OSBPL2: variants seen among roughly 807,000 people sequenced by gnomAD.
OSBPL2 encodes the protein oxysterol-binding protein-related protein 2.
Under a neutral mutation model 58.4 loss-of-function variants are expected in OSBPL2, and 18 were observed. The ratio of observed to expected loss-of-function variants is 0.31; its 90% CI spans 0.21 to 0.46. OSBPL2 has a LOEUF of 0.46. Ranked by LOEUF, OSBPL2 falls within the 20% of genes least tolerant of loss-of-function variation. OSBPL2 has a pLI of 1.00. For synonymous variants in OSBPL2, 221 were observed against 234.1 expected, an observed-to-expected ratio of 0.94 and a Z score of 0.51; for missense variants, 461 against 616.5, an observed-to-expected ratio of 0.75 and a Z score of 2.67.
At position 62,272,298 on chromosome 20, in the gene OSBPL2, A is replaced by C. The variant is rs763987513; in HGVS notation, c.393+39A>C. 1.9e-5 allele frequency: 30 copies of C among 1,604,084 alleles called. No homozygotes were observed. In the South Asian group the frequency reaches 3.0e-4, roughly 16 times the overall value. ...GTGCCAGGCAGGAGTTTGTCATGAA[A>C]GTGATGCCCCTTGCATGTCTGGCCA... On this transcript the variant is annotated intron_variant, in intron 5 of 13. Transcript: ENST00000313733.
intron 11 of OSBPL2, 85 bp downstream of exon 11, chr20:62,286,796 T>A: frequency 6.8e-7 from 1 of 1,475,524 alleles, no homozygotes; most frequent in Non-Finnish European, 9.1e-7. Context: ...TTCCCTGTCC[T>A]TGGGCCCTTG....
At chr20:62,261,422 C>T (rs1293129119) in intron 3 of OSBPL2, among the ~76,000 whole-genome samples, 2 of 152,098 alleles carry the variant, frequency 1.3e-5, no homozygotes, top group Non-Finnish European at 2.9e-5. Flanking sequence ...GGCACAGCCG[C>T]TAATGTGTGT....
intron 10 of OSBPL2, chr20:62,285,179 T>C (rs1329508015): frequency 6.6e-6 from 1 of 152,244 alleles, no homozygotes; most frequent in Non-Finnish European, 1.5e-5. Context: ...ATTTGTGCTG[T>C]TAGACACCTT....
intron 4 of OSBPL2, 83 bp from the exon 5 acceptor site, chr20:62,272,041 AG>A: frequency 1.3e-6 from 2 of 1,521,868 alleles, no homozygotes; most frequent in Non-Finnish European, 1.8e-6. Flanking sequence ...GGCTCCATGA[AG>A]GGATGCTCAG....
rs1248691754 is a variant in OSBPL2 at position 62,269,055 on chromosome 20, A to G, written c.259-3070A>G. ...GCCTAGGCGACAGTGTGAGACTCCA[A>G]CTCAAAAAAAAAAAAAATGTTTTTT... On this transcript the variant is annotated intron_variant, in intron 4 of 13. Transcript: ENST00000313733. This position sits in a 1 kb window ranked among gnomAD's most constrained non-coding sequence, Gnocchi z 4.2. Among the ~76,000 whole-genome samples, 2 of 150,884 alleles carry G rather than the reference A, an allele frequency of 1.3e-5. No homozygotes were observed. The highest frequency in any genetic ancestry group is 4.9e-5 in the African/African-American group (2 of 41,080).
intron 3 of OSBPL2, 84 bp downstream of exon 3, chr20:62,260,209 G>C (rs914454746): frequency 1.5e-6 from 2 of 1,340,098 alleles, no homozygotes; most frequent in Admixed American, 4.0e-5. Context: ...CAGCCCTCAC[G>C]AGCATTGAGC....
At chr20:62,244,077 GAGA>G (rs1229756534) in intron 1 of OSBPL2, among the ~76,000 whole-genome samples, 3 of 152,150 alleles carry the variant, frequency 2.0e-5, no homozygotes, top group Non-Finnish European at 4.4e-5. Flanking sequence ...TGAGGCCACA[GAGA>G]AGGAGGCGGC....
In OSBPL2 at chr20:62,262,492, G is replaced by A. The variant is rs558212062; in HGVS notation, c.183-1124G>A. ...ACTTTCCCCTCCTGGTAGCACCTCC[G>A]AATCACAAAGTATTCACTGAATGTG... On this transcript the variant is annotated intron_variant, in intron 3 of 13. Coordinates refer to ENST00000313733, the MANE Select transcript of OSBPL2 (RefSeq NM_144498.4). Among the ~76,000 whole-genome samples, 9 of 152,334 alleles carry A rather than the reference G, an allele frequency of 5.9e-5. No homozygotes were observed. In the South Asian group the frequency reaches 1.0e-3, roughly 18 times the overall value.
At chr20:62,261,273 G>A (rs938887437) in intron 3 of OSBPL2, among the ~76,000 whole-genome samples, 24 of 142,470 alleles carry the variant, frequency 1.7e-4, no homozygotes, top group African/African-American at 5.9e-4. Flanking sequence ...CCGAGGTCAC[G>A]CCGCTGCACT....
chr20:62,280,714 A>G (rs1052045264), intron 7 of OSBPL2, among the ~76,000 whole-genome samples: 1 of 152,232 alleles, frequency 6.6e-6, no homozygotes, highest in African/African-American at 2.4e-5. Context: ...CCAGGGCCGC[A>G]TGCCCAGGAC....
chr20:62,277,103 T>A (rs529690095), intron 6 of OSBPL2, among the ~76,000 whole-genome samples: 1 of 150,794 alleles, frequency 6.6e-6, no homozygotes, highest in East Asian at 2.0e-4. Context: ...TACAAAAAAT[T>A]AGCCGGGCGT....
intron 4 of OSBPL2, chr20:62,264,852 CTGTTACTTAG>C (rs1308480111): frequency 7.2e-5 from 11 of 152,196 alleles, no homozygotes; most frequent in Non-Finnish European, 1.5e-4. Context: ...CTGCTCTGGT[CTGTTACTTAG>C]TGGACTTTTC....
In OSBPL2 at chr20:62,295,686, G is replaced by C. The variant is rs769035180; in HGVS notation, c.*1799G>C. 4 of 152,222 alleles carry C rather than the reference G, an allele frequency of 2.6e-5. No individual in the cohort carries two copies. The highest frequency in any genetic ancestry group is 4.4e-5 in the Non-Finnish European group (3 of 68,046). 9.4% of individuals were successfully genotyped at this position (152,222 alleles called of 1,614,324 possible). The stretch of plus-strand genomic sequence containing the variant: ...AGACTTTGAAATTCCCCGATGGCTG[G>C]AATGTGGAGCCCAGGTGCCTCTGGT... On this transcript the variant is annotated 3_prime_UTR_variant, in exon 14 of 14. Coordinates refer to ENST00000313733, the MANE Select transcript of OSBPL2 (RefSeq NM_144498.4). The surrounding 1 kb of genome is among the most constrained non-coding windows in gnomAD (Gnocchi z 4.8).
chr20:62,246,617 G>A (rs147450189), intron 1 of OSBPL2, among the ~76,000 whole-genome samples: 109 of 152,316 alleles, frequency 7.2e-4, no homozygotes, highest in African/African-American at 2.5e-3. Context: ...TGGACACGCA[G>A]GGAGGGATGA....
At position 62,271,999 on chromosome 20, in the gene OSBPL2, G is replaced by A. The variant is rs543753026; in HGVS notation, c.259-126G>A. ...GCAGGGAGTGGCTCACCCATGGGGG[G>A]TTTGAAGATCCGGTTCAACCCCAGA... On this transcript the variant is annotated intron_variant, in intron 4 of 13. Coordinates refer to ENST00000313733, the MANE Select transcript of OSBPL2 (RefSeq NM_144498.4). The A allele has an allele frequency of 3.0e-3, 3,418 of 1,156,256 alleles. 7 individuals are homozygous for A. Among genetic ancestry groups the A allele is most frequent in the Non-Finnish European group, 3.2e-3 (2,541 of 804,092 alleles). The allele number at this position is 1,156,256 out of a possible 1,614,324, so 71.6% of individuals were successfully genotyped here. A position where few individuals can be genotyped will look rare whatever the true frequency, so the allele number is the denominator to read the frequency against.
chr20:62,280,106 G>A (rs1438471827), intron 7 of OSBPL2: 2 of 1,303,830 alleles, frequency 1.5e-6, no homozygotes, highest in East Asian at 5.5e-5. Context: ...GTCCTCCTGG[G>A]CCACCAGTTC....
At chr20:62,275,653 G>T (rs191137494) in intron 6 of OSBPL2, among the ~76,000 whole-genome samples, 1 of 152,140 alleles carries the variant, frequency 6.6e-6, no homozygotes, top group African/African-American at 2.4e-5. Flanking sequence ...TTGCTGTGTT[G>T]CCCAGGCTGC....
chr20:62,290,450 G>A (rs772933741), intron 12 of OSBPL2, among the ~76,000 whole-genome samples: 9 of 109,348 alleles, frequency 8.2e-5, no homozygotes, highest in Admixed American at 1.4e-4. Context: ...GGAGTCTCAC[G>A]CTGTTCCCCA....
intron 1 of OSBPL2, among the ~76,000 whole-genome samples, chr20:62,254,202 A>C (rs1364318618): frequency 6.6e-6 from 1 of 152,176 alleles, no homozygotes; most frequent in African/African-American, 2.4e-5. Context: ...ACATCCTAAC[A>C]TTGTCACATG....
Sources: allele counts gnomAD v4.1 joint callset (sites outside exome capture counted in the v4.1 genomes callset), GRCh38; gene constraint gnomAD v4.1.1; non-coding constraint Gnocchi (gnomAD v3.1); transcripts MANE v1.5; gene names NCBI Gene and HGNC (gene_info 2026-07-23, HGNC 2026-07-21).